AGBL4: variants seen among roughly 807,000 people sequenced by gnomAD.
AGBL4 encodes the protein cytosolic carboxypeptidase 6.
In AGBL4, 58 loss-of-function variants were observed where a neutral mutation model predicts 66.4. The ratio of observed to expected loss-of-function variants is 0.87; its 90% confidence interval spans 0.71 to 1.09. The LOEUF (loss-of-function observed/expected upper bound fraction) is 1.09. Ranked by LOEUF, AGBL4 falls within the 50% of genes least tolerant of loss-of-function variation. The pLI is 0.00. For synonymous variants in AGBL4, 234 were observed against 222.9 expected, an observed-to-expected ratio of 1.05 and a Z score of -0.44; for missense variants, 579 against 631.0, an observed-to-expected ratio of 0.92 and a Z score of 0.88.
At chr1:48,888,834 C>T (rs1015066600) in intron 5 of AGBL4, among the ~76,000 whole-genome samples, 4 of 152,142 alleles carry the variant, frequency 2.6e-5, no homozygotes, top group East Asian at 3.9e-4. Context: ...TGGTGCCTGG[C>T]GCATAGTAGG....
At chr1:48,836,099 C>A (rs1332545079) in intron 6 of AGBL4, among the ~76,000 whole-genome samples, 1 of 151,826 alleles carries the variant, frequency 6.6e-6, no homozygotes. Context: ...CATTTTGGAG[C>A]AGGGTGGTGG....
chr1:49,936,987 C>T (rs1457041963), intron 1 of AGBL4, among the ~76,000 whole-genome samples: 4 of 152,098 alleles, frequency 2.6e-5, no homozygotes, highest in Non-Finnish European at 4.4e-5. Context: ...TCACACATAA[C>T]AATATTAACT....
intron 3 of AGBL4, among the ~76,000 whole-genome samples, chr1:49,390,990 A>G (rs1644833255): frequency 6.6e-6 from 1 of 152,170 alleles, no homozygotes; most frequent in African/African-American, 2.4e-5. Flanking sequence ...AAGAGGAGAT[A>G]TGCTGAGCTG....
intron 5 of AGBL4, among the ~76,000 whole-genome samples, chr1:48,905,785 C>G (rs1235628475): frequency 6.6e-6 from 1 of 152,094 alleles, no homozygotes; most frequent in Non-Finnish European, 1.5e-5. Context: ...AGTATTATCC[C>G]CAAATCAGAC....
chr1:49,746,024 C>T (rs1265482191), intron 2 of AGBL4, among the ~76,000 whole-genome samples: 1 of 151,908 alleles, frequency 6.6e-6, no homozygotes, highest in Admixed American at 6.6e-5. Flanking sequence ...AAATAATACA[C>T]CTCAGACATA....
intron 8 of AGBL4, among the ~76,000 whole-genome samples, chr1:48,643,782 GCAGAGCCCGTTTGGGCCTAGC>G (rs1166554585): frequency 9.1e-6 from 1 of 110,312 alleles, no homozygotes; most frequent in Non-Finnish European, 2.3e-5. Flanking sequence ...CGGAAAAGAA[GCAGAGCCCGTTTGGGCCTAGC>G]CCCTCCTAGC....
intron 6 of AGBL4, among the ~76,000 whole-genome samples, chr1:48,747,022 G>A (rs755102119): frequency 1.3e-5 from 2 of 152,156 alleles, no homozygotes; most frequent in Non-Finnish European, 2.9e-5. Flanking sequence ...AATTTTAGTC[G>A]GCTTCACTAC....
intron 1 of AGBL4, among the ~76,000 whole-genome samples, chr1:49,883,252 G>T (rs1240270316): frequency 6.6e-6 from 1 of 151,936 alleles, no homozygotes; most frequent in Non-Finnish European, 1.5e-5. Flanking sequence ...ACAAATATTG[G>T]AACTCTTTAT....
chr1:49,619,888 T>C lies in AGBL4; in HGVS notation c.282+77425A>G, dbSNP rs576430238. On this transcript the variant is annotated intron_variant, in intron 3 of 13. Transcript: ENST00000371839. ...AATGGGGAAAGGATTCCCTATTTAA[T>C]AAATGGTTTTGGGAAAACTGACTAG... 2.0e-5 allele frequency among the ~76,000 whole-genome samples: 3 copies of C among 152,290 alleles called. No individual in the cohort carries two copies. The East Asian group carries it at 5.8e-4, about 29-fold the overall frequency.
Position 49,670,078 on chromosome 1 carries a change from G to GA in AGBL4, c.282+27234dup, listed in dbSNP as rs1489544207. Among the ~76,000 whole-genome samples the GA allele has an allele frequency of 4.6e-5, 7 of 150,732 alleles. No individual in the cohort carries two copies. The East Asian group carries it at 1.2e-3, about 25-fold the overall frequency. ...ATCCTATCAACACAAGTATAAATTT[G>GA]AAAAAAAAATTTAAAAATCACAACA... On this transcript the variant is annotated intron_variant, in intron 3 of 13. Coordinates refer to ENST00000371839, the MANE Select transcript of AGBL4 (RefSeq NM_032785.4).
rs962402697 is a variant in AGBL4 at position 49,700,308 on chromosome 1, T to C, written c.158-2871A>G. On this transcript the variant is annotated intron_variant, in intron 2 of 13. Transcript: ENST00000371839. Reference sequence around the variant, plus strand: ...CATATAAAAACATTAAATAGATAGATAGATAGATAGATAGATAGATAGATA... The same window carrying C: ...CATATAAAAACATTAAATAGATAGACAGATAGATAGATAGATAGATAGATA... Among the ~76,000 whole-genome samples, 18 of 138,420 alleles carry C rather than the reference T, an allele frequency of 1.3e-4. No homozygotes were observed. The South Asian group carries it at 1.3e-3, about 10-fold the overall frequency. 90.8% of individuals were successfully genotyped at this position (138,420 alleles called of 152,430 possible).
intron 5 of AGBL4, among the ~76,000 whole-genome samples, chr1:48,896,018 C>G (rs1651473253): frequency 6.6e-6 from 1 of 152,154 alleles, no homozygotes; most frequent in South Asian, 2.1e-4. Flanking sequence ...GGTTGCCATT[C>G]AAAAATGGCG....
chr1:49,881,039 A>G (rs1237237912), intron 1 of AGBL4, among the ~76,000 whole-genome samples: 1 of 152,046 alleles, frequency 6.6e-6, no homozygotes, highest in Non-Finnish European at 1.5e-5. Context: ...GCGCGCACCC[A>G]CTGGCCTGCG....
chr1:48,762,612 TTTTGTGTGTGTGTG>T (rs1254293029), intron 6 of AGBL4, among the ~76,000 whole-genome samples: 189 of 127,980 alleles, frequency 1.5e-3, no homozygotes, highest in East Asian at 0.012. Context: ...TCTTTAAGGG[TTTTGTGTGTGTGTG>T]TGTGTGTGTG....
intron 11 of AGBL4, among the ~76,000 whole-genome samples, chr1:48,546,098 T>C (rs1419772025): frequency 6.6e-6 from 1 of 152,172 alleles, no homozygotes; most frequent in Non-Finnish European, 1.5e-5. Context: ...CAGGAACTAT[T>C]TTTTTTAGAG....
chr1:48,665,702 A>G (rs573556838), intron 6 of AGBL4, among the ~76,000 whole-genome samples: 1 of 152,298 alleles, frequency 6.6e-6, no homozygotes, highest in African/African-American at 2.4e-5. Flanking sequence ...AATTTACACA[A>G]GAGAATTTCA....
intron 6 of AGBL4, among the ~76,000 whole-genome samples, chr1:48,698,434 A>G (rs1231641100): frequency 6.6e-6 from 1 of 152,188 alleles, no homozygotes; most frequent in Non-Finnish European, 1.5e-5. Context: ...CTCAAAGAAA[A>G]AGGAAACTGC....
intron 4 of AGBL4, among the ~76,000 whole-genome samples, chr1:49,118,495 T>A (rs1197249555): frequency 1.3e-5 from 2 of 152,140 alleles, no homozygotes; most frequent in Non-Finnish European, 2.9e-5. Context: ...TGTGATCGAT[T>A]ACATTTATTG....
In AGBL4 at chr1:49,948,004, A is replaced by ATATATT. The variant is rs1553151788; in HGVS notation, c.34+75758_34+75759insAATATA. On this transcript the variant is annotated intron_variant, in intron 1 of 13. Transcript: ENST00000371839. The stretch of plus-strand genomic sequence containing the variant: ...AATATATATTTATATATATAAATAT[A>ATATATT]TATAAATATATAAATATATATAAAT... Among the ~76,000 whole-genome samples the ATATATT allele has an allele frequency of 3.5e-3, 108 of 30,830 alleles. 2 individuals are homozygous for ATATATT. The highest frequency in any genetic ancestry group is 5.4e-3 in the African/African-American group (38 of 7,028). The allele number at this position is 30,830 out of a possible 152,430, so 20.2% of individuals were successfully genotyped here.
Sources: allele counts gnomAD v4.1 joint callset (sites outside exome capture counted in the v4.1 genomes callset), GRCh38; gene constraint gnomAD v4.1.1; transcripts MANE v1.5; gene names NCBI Gene and HGNC (gene_info 2026-07-23, HGNC 2026-07-21).